The following HIF3A variants were observed in gnomAD, a reference collection of about 807,000 sequenced individuals.
HIF3A encodes the protein hypoxia-inducible factor 3-alpha.
HIF3A carries 41 observed loss-of-function variants against 67.2 expected under a neutral mutation model. The observed-to-expected ratio is 0.61, with a 90% CI of 0.48 to 0.79. The LOEUF (loss-of-function observed/expected upper bound fraction) is 0.79, where lower values mean the gene tolerates loss of function less well. HIF3A is among the 30% of genes least tolerant of loss of function. HIF3A has a pLI of 0.00. For synonymous variants in HIF3A, 356 were observed against 374.8 expected, an observed-to-expected ratio of 0.95 and a Z score of 0.58; for missense variants, 855 against 898.0, an observed-to-expected ratio of 0.95 and a Z score of 0.61.
chr19:46,299,402 T>G lies in HIF3A; in HGVS notation c.26+2300T>G, dbSNP rs111701941. ...GTGGAATTGTGTCAGTGACTGCCGC[T>G]CTGAGCCTCACTTTCAGATCCTGGA... On this transcript the variant is annotated intron_variant, in intron 1 of 14. Coordinates refer to ENST00000377670, the MANE Select transcript of HIF3A (RefSeq NM_152795.4). 7.8e-3 allele frequency among the ~76,000 whole-genome samples: 1,191 copies of G among 152,290 alleles called. 18 individuals are homozygous for G. The highest frequency in any genetic ancestry group is 0.027 in the African/African-American group (1,129 of 41,570).
intron 11 of HIF3A, among the ~76,000 whole-genome samples, chr19:46,328,768 C>T (rs911951137): frequency 6.6e-6 from 1 of 151,956 alleles, no homozygotes; most frequent in Non-Finnish European, 1.5e-5. Flanking sequence ...GTCACTCAGG[C>T]TGGACTGCGA....
At chr19:46,335,928 T>G (rs1971575484) in intron 14 of HIF3A, among the ~76,000 whole-genome samples, 1 of 150,598 alleles carries the variant, frequency 6.6e-6, no homozygotes, top group Non-Finnish European at 1.5e-5. Context: ...GTTGTCCTAG[T>G]TACTTGGGAG....
chr19:46,331,285 G>A lies in HIF3A; in HGVS notation c.1830+12G>A, dbSNP rs1305681622. ...TTCCTCTCAGCCTGGTGTGTTGGGG[G>A]ATTAATGGGATTCTCTGGCCCTCAT... is the stretch of plus-strand genomic sequence containing the variant. On this transcript the variant is annotated intron_variant, in intron 13 of 14. Coordinates refer to ENST00000377670, the MANE Select transcript of HIF3A (RefSeq NM_152795.4). 1 of 1,595,588 alleles carries A rather than the reference G, an allele frequency of 6.3e-7. No individual in the cohort carries two copies. Among genetic ancestry groups the A allele is most frequent in the East Asian group, 2.2e-5 (1 of 44,752 alleles).
In HIF3A at chr19:46,340,620, C is replaced by T. The variant is rs1027007535; in HGVS notation, c.*998C>T. On this transcript the variant is annotated 3_prime_UTR_variant, in exon 15 of 15. Coordinates refer to ENST00000377670, the MANE Select transcript of HIF3A (RefSeq NM_152795.4). ...GGTTCAAGTGATTCTCCTGCCTCAA[C>T]TTCCCAAATAGCCGGGACTACGGGC... 6.6e-6 allele frequency: 1 copy of T among 152,324 alleles called. No individual in the cohort carries two copies. Among genetic ancestry groups the T allele is most frequent in the Non-Finnish European group, 1.5e-5 (1 of 68,160 alleles). The allele number at this position is 152,324 out of a possible 1,614,324, so 9.4% of individuals were successfully genotyped here.
chr19:46,328,728 GTT>G (rs113726953), intron 11 of HIF3A, among the ~76,000 whole-genome samples: 8 of 145,810 alleles, frequency 5.5e-5, no homozygotes, highest in Non-Finnish European at 9.1e-5. Context: ...ATTTAGGTTT[GTT>G]TTTTTTTTTG....
At chr19:46,335,094 G>A in intron 14 of HIF3A, 108 bp downstream of exon 14, 1 of 765,820 alleles carries the variant, frequency 1.3e-6, no homozygotes, top group Non-Finnish European at 2.0e-6. Flanking sequence ...GTGCTTGGAG[G>A]TGACCTTGGT....
At chr19:46,335,029 C>G in intron 14 of HIF3A, 43 bp downstream of exon 14, 1 of 1,507,474 alleles carries the variant, frequency 6.6e-7, no homozygotes. Context: ...AGCACCTTCT[C>G]CCCCGGGAGG....
rs1005271692 is a variant in HIF3A at position 46,337,619 on chromosome 19, G to A, written c.1913-1906G>A. On this transcript the variant is annotated intron_variant, in intron 14 of 14. Coordinates refer to ENST00000377670, the MANE Select transcript of HIF3A (RefSeq NM_152795.4). ...AAGCAGAGAGGAGAGAAAGGTGAGG[G>A]CTGACTGCATGGAGCCTCTGTGGGG... Among the ~76,000 whole-genome samples the A allele has an allele frequency of 2.6e-5, 4 of 152,112 alleles. No individual in the cohort carries two copies. The East Asian group carries it at 5.8e-4, about 22-fold the overall frequency.
Position 46,309,209 on chromosome 19 carries a change from C to T in HIF3A, c.620C>T (p.Ala207Val). Residue 207 changes from alanine to valine, a missense_variant, in exon 6 of 15, where the codon GCT (alanine) becomes GTT (valine). Around this residue, in one of 3 missense-constraint regions of HIF3A, gnomAD observed 638 missense variants for 660.5 expected, o/e 0.97. Coordinates refer to ENST00000377670, the MANE Select transcript of HIF3A (RefSeq NM_152795.4). ...AYKPPAQTSP[A>V]GSPDSEPPLQ... ...AAGCCACCTGCGCAGACTTCTCCAG[C>T]TGGGAGCCCTGACTCAGAGCCCCCG... is the stretch of plus-strand genomic sequence containing the variant. 6.2e-7 allele frequency: 1 copy of T among 1,614,154 alleles called. No individual in the cohort carries two copies. Among genetic ancestry groups the T allele is most frequent in the Non-Finnish European group, 8.5e-7 (1 of 1,179,998 alleles).
At chr19:46,310,221 T>A (rs1969309885) in intron 6 of HIF3A, among the ~76,000 whole-genome samples, 1 of 151,776 alleles carries the variant, frequency 6.6e-6, no homozygotes, top group African/African-American at 2.4e-5. Flanking sequence ...CAAGACTCCG[T>A]CTCGAAAAAG....
At chr19:46,337,026 G>C (rs1323440042) in intron 14 of HIF3A, among the ~76,000 whole-genome samples, 1 of 152,048 alleles carries the variant, frequency 6.6e-6, no homozygotes, top group African/African-American at 2.4e-5. Context: ...GAACAAAAAA[G>C]AGTGGGAGAT....
rs908312286 is a variant in HIF3A, at chr19:46,318,548, C to CAAAAA, written c.1026-1877_1026-1873dup. 1.1e-4 allele frequency among the ~76,000 whole-genome samples: 6 copies of CAAAAA among 54,082 alleles called. 1 individual carries two copies. Among genetic ancestry groups the CAAAAA allele is most frequent in the African/African-American group, 3.6e-4 (5 of 13,718 alleles). 35.5% of individuals were successfully genotyped at this position (54,082 alleles called of 152,430 possible). On this transcript the variant is annotated intron_variant, in intron 8 of 14. Coordinates refer to ENST00000377670, the MANE Select transcript of HIF3A (RefSeq NM_152795.4). ...TGAGCGAGAGAGTGAGATCCTGTCT[C>CAAAAA]AAAAAAAAAAAAAAAAAAAAAAGTA... is the stretch of plus-strand genomic sequence containing the variant.
At chr19:46,309,923 C>CA (rs1358589245) in intron 6 of HIF3A, among the ~76,000 whole-genome samples, 4 of 151,740 alleles carry the variant, frequency 2.6e-5, no homozygotes, top group African/African-American at 9.7e-5. Flanking sequence ...CCCGTCTCTA[C>CA]AAAAAAATTA....
At chr19:46,304,827 C>G (rs1461457188) in intron 2 of HIF3A, among the ~76,000 whole-genome samples, 1 of 150,414 alleles carries the variant, frequency 6.6e-6, no homozygotes, top group African/African-American at 2.4e-5. Flanking sequence ...GAGTTCTGTC[C>G]CTCTGGAAGG....
At chr19:46,329,502 A>G (rs1352864096) in intron 12 of HIF3A, 24 bp downstream of exon 12, 5 of 1,483,630 alleles carry the variant, frequency 3.4e-6, no homozygotes, top group Non-Finnish European at 3.6e-6. Context: ...AAGGGGGGAC[A>G]TCAAGGCAGC....
chr19:46,309,305 G>A lies in HIF3A; in HGVS notation c.716G>A (p.Gly239Glu). ...PGSLEPPLGR[G>E]AFLSRHSLDM... ...AGCCTGGAGCCCCCACTGGGCCGAG[G>A]GGCCTTCCTCAGCCGCCACAGCCTG... Residue 239 changes from glycine (G) to glutamate (E), a missense_variant, in exon 6 of 15, where the codon GGG (glycine) becomes GAG (glutamate). Physicochemically the swap from Gly to Glu is moderately conservative, Grantham distance 98. This residue lies in a region of HIF3A where 638 missense variants were observed against 660.5 expected (regional missense o/e 0.97). Coordinates refer to ENST00000377670, the MANE Select transcript of HIF3A (RefSeq NM_152795.4). The A allele has an allele frequency of 3.7e-6, 6 of 1,613,164 alleles. No homozygotes were observed. The highest frequency in any genetic ancestry group is 5.1e-6 in the Non-Finnish European group (6 of 1,179,730).
intron 1 of HIF3A, among the ~76,000 whole-genome samples, chr19:46,299,260 G>A (rs1038562020): frequency 2.0e-5 from 3 of 152,226 alleles, no homozygotes; most frequent in East Asian, 3.9e-4. Context: ...GGAAGGGACC[G>A]AGGCTGCTAG....
In HIF3A at chr19:46,320,551, G is replaced by GGACA; in HGVS notation, c.1136_1139dup (p.Ser380ArgfsTer4). 6.2e-7 allele frequency: 1 copy of GGACA among 1,613,440 alleles called. No individual in the cohort carries two copies. Among genetic ancestry groups the GGACA allele is most frequent in the Non-Finnish European group, 8.5e-7 (1 of 1,179,454 alleles). ...CTCAGAAGGACACCCCTAACCCTGG[G>GGACA]GACAGCCTTGGTATGGGGCAGGGCT... On this transcript the variant is annotated frameshift_variant, in exon 9 of 15. Transcript: ENST00000377670. LOFTEE classifies it high-confidence loss of function.
chr19:46,325,373 A>T (rs942449279), intron 10 of HIF3A, among the ~76,000 whole-genome samples, 162 bp from the exon 11 acceptor site: 1 of 151,820 alleles, frequency 6.6e-6, no homozygotes, highest in African/African-American at 2.4e-5. Flanking sequence ...TGAGTTTTGA[A>T]CACCCAGGTT....
Sources: allele counts gnomAD v4.1 joint callset (sites outside exome capture counted in the v4.1 genomes callset), GRCh38; gene constraint gnomAD v4.1.1; regional missense constraint gnomAD v4.1.1; transcripts MANE v1.5; gene names NCBI Gene and HGNC (gene_info 2026-07-23, HGNC 2026-07-21).